MTR: variants seen among roughly 807,000 people sequenced by gnomAD.
The protein encoded by MTR is 5-methyltetrahydrofolate-homocysteine methyltransferase, also known as methionine synthase.
MTR carries 84 observed loss-of-function variants against 154.8 expected under a neutral mutation model. The observed-to-expected ratio is 0.54, with a 90% confidence interval of 0.45 to 0.65. MTR has a LOEUF of 0.65. Among genes scored for constraint, MTR ranks in the 30% least tolerant of loss-of-function variants. The probability of loss-of-function intolerance (pLI) is 0.00; values close to 1 mark genes in which losing one functional copy is unlikely to be tolerated. For missense variants in MTR, 1,275 were observed against 1,570.2 expected (o/e 0.81, Z 3.18); for synonymous variants, 554 against 553.9 (o/e 1.00, Z 0.00).
intron 7 of MTR, 98 bp downstream of exon 7, chr1:236,815,761 A>G: frequency 1.7e-6 from 2 of 1,199,848 alleles, no homozygotes; most frequent in Non-Finnish European, 2.4e-6. Context: ...TATTAATGGT[A>G]TCTTTAGAAC....
intron 1 of MTR, among the ~76,000 whole-genome samples, chr1:236,796,851 G>A (rs1017965076): frequency 2.0e-5 from 3 of 151,622 alleles, no homozygotes; most frequent in African/African-American, 7.3e-5. Context: ...AATGATCATA[G>A]GGAGATCATA....
intron 12 of MTR, among the ~76,000 whole-genome samples, chr1:236,831,359 C>T (rs1572228782): frequency 6.6e-6 from 1 of 152,178 alleles, no homozygotes; most frequent in African/African-American, 2.4e-5. Context: ...GATAAGGAAA[C>T]AGGCACCAGA....
In MTR at chr1:236,873,755, C is replaced by T. The variant is rs753351956; in HGVS notation, c.2406-18C>T. ...TGGGCTTTCATTAATTTTCTCATGT[C>T]TCATTTCTGTGCCTCAGAGTTATTG... On this transcript the variant is annotated intron_variant, in intron 22 of 32. Coordinates refer to ENST00000366577, the MANE Select transcript of MTR (RefSeq NM_000254.3). 2 of 1,609,844 alleles carry T rather than the reference C, an allele frequency of 1.2e-6. No individual in the cohort carries two copies. Among genetic ancestry groups the T allele is most frequent in the East Asian group, 4.5e-5 (2 of 44,862 alleles).
In MTR at chr1:236,806,172, T is replaced by C. The variant is rs756873897; in HGVS notation, c.278T>C (p.Ile93Thr). 12 of 1,614,042 alleles carry C rather than the reference T, an allele frequency of 7.4e-6. No homozygotes were observed. The change falls in exon 3 of 33, where the codon ATT (isoleucine) becomes ACT (threonine). Residue 93 changes from isoleucine to threonine, a missense_variant. By Grantham distance (89) the Ile-to-Thr change is moderately conservative. Coordinates refer to ENST00000366577, the MANE Select transcript of MTR (RefSeq NM_000254.3). ...TACTTGCTGGCTGGGGCAGATATCA[T>C]TGAAACAAATACTTTTAGCAGCACT... Reference protein sequence around the residue: ...KEYLLAGADIIETNTFSSTSI... With the variant: ...KEYLLAGADITETNTFSSTSI...
At chr1:236,815,703 A>G (rs1320829178) in intron 7 of MTR, 40 bp downstream of exon 7, 23 of 1,583,294 alleles carry the variant, frequency 1.5e-5, no homozygotes, top group Non-Finnish European at 2.0e-5. Flanking sequence ...TCTTTTATTA[A>G]TAATTGTCCT....
Position 236,826,910 on chromosome 1 carries a change from A to G in MTR, c.995+14A>G, listed in dbSNP as rs920683227. On this transcript the variant is annotated intron_variant, in intron 11 of 32. Transcript: ENST00000366577. The stretch of plus-strand genomic sequence containing the variant: ...AGATCATATCAGGTAATAATCACCT[A>G]TAGACAATATATCTAAAACCAAGTG... 1.9e-6 allele frequency: 3 copies of G among 1,605,364 alleles called. No individual in the cohort carries two copies. Among genetic ancestry groups the G allele is most frequent in the Non-Finnish European group, 2.6e-6 (3 of 1,172,026 alleles).
intron 15 of MTR, among the ~76,000 whole-genome samples, chr1:236,849,291 G>C (rs1210656680): frequency 6.6e-6 from 1 of 152,182 alleles, no homozygotes; most frequent in Admixed American, 6.5e-5. Flanking sequence ...AGCAAGACTG[G>C]CATTCTATCT....
At chr1:236,862,490 A>T (rs1664600453) in intron 21 of MTR, 147 bp downstream of exon 21, 3 of 688,368 alleles carry the variant, frequency 4.4e-6, no homozygotes, top group African/African-American at 1.8e-5. Flanking sequence ...CCCTTTTTTA[A>T]CCGAGTATCA....
At chr1:236,841,902 T>A (rs1186193938) in intron 15 of MTR, among the ~76,000 whole-genome samples, 3 of 151,590 alleles carry the variant, frequency 2.0e-5, no homozygotes, top group Non-Finnish European at 4.4e-5. Flanking sequence ...TCTTTTTTTT[T>A]TTTTTTTTGA....
At position 236,838,616 on chromosome 1, in the gene MTR, G is replaced by A. The variant is rs1295788715; in HGVS notation, c.1515+17G>A. 1 of 1,613,680 alleles carries A rather than the reference G, an allele frequency of 6.2e-7. No individual in the cohort carries two copies. Among genetic ancestry groups the A allele is most frequent in the East Asian group, 2.2e-5 (1 of 44,872 alleles). On this transcript the variant is annotated intron_variant, in intron 15 of 32. Coordinates refer to ENST00000366577, the MANE Select transcript of MTR (RefSeq NM_000254.3). Reference sequence around the variant, plus strand: ...GAAGGACAGGTGAGTGGTTTCTTTTGGCCTAATCCATTGTGTTTCCCAGGT... The same window carrying A: ...GAAGGACAGGTGAGTGGTTTCTTTTAGCCTAATCCATTGTGTTTCCCAGGT...
At chr1:236,818,315 A>T (rs1334440906) in intron 8 of MTR, among the ~76,000 whole-genome samples, 1 of 148,166 alleles carries the variant, frequency 6.7e-6, no homozygotes, top group Non-Finnish European at 1.5e-5. Flanking sequence ...AATAATAATG[A>T]TATAGTCTTT....
intron 7 of MTR, 29 bp downstream of exon 7, chr1:236,815,692 T>G (rs1171724838): frequency 6.3e-7 from 1 of 1,599,960 alleles, no homozygotes; most frequent in Non-Finnish European, 8.6e-7. Flanking sequence ...GCACAATACA[T>G]TCTTTTATTA....
At chr1:236,822,312 G>GT (rs199660325) in intron 8 of MTR, among the ~76,000 whole-genome samples, 5,479 of 124,796 alleles carry the variant, frequency 0.044, 249 homozygotes, top group South Asian at 0.095. Flanking sequence ...GGTTTTTTTT[G>GT]TTTTTTTTTT....
Position 236,829,326 on chromosome 1 carries a change from T to A in MTR, c.1075+58T>A, listed in dbSNP as rs1208815518. Reference sequence around the variant, plus strand: ...AGAAACCATTTGTGGAGTGTGAGTATTCTAAGTGGTAGTGATGTTTGTGCT... The same window carrying A: ...AGAAACCATTTGTGGAGTGTGAGTAATCTAAGTGGTAGTGATGTTTGTGCT... On this transcript the variant is annotated intron_variant, in intron 12 of 32. Coordinates refer to ENST00000366577, the MANE Select transcript of MTR (RefSeq NM_000254.3). 2.2e-5 allele frequency: 30 copies of A among 1,380,746 alleles called. No individual in the cohort carries two copies. In the East Asian group the frequency reaches 6.9e-4, roughly 32 times the overall value. The allele number at this position is 1,380,746 out of a possible 1,614,324, so 85.5% of individuals were successfully genotyped here.
intron 4 of MTR, among the ~76,000 whole-genome samples, chr1:236,810,037 G>A (rs566691429): frequency 6.6e-5 from 10 of 152,308 alleles, no homozygotes; most frequent in African/African-American, 1.9e-4. Flanking sequence ...CAGAACTTAC[G>A]TTAAGTTCAA....
chr1:236,853,407 A>G (rs115783804), intron 18 of MTR, among the ~76,000 whole-genome samples: 1,938 of 152,350 alleles, frequency 0.013, 48 homozygotes, highest in African/African-American at 0.043. Context: ...AAAGGAAGAA[A>G]ATAAAAATCA....
At chr1:236,828,066 C>T (rs547666118) in intron 11 of MTR, among the ~76,000 whole-genome samples, 15 of 152,234 alleles carry the variant, frequency 9.9e-5, no homozygotes, top group Admixed American at 2.6e-4. Context: ...CAAGCTCCAC[C>T]TCCCAGGTTC....
At chr1:236,875,839 AG>A in intron 24 of MTR, among the ~76,000 whole-genome samples, 1 of 83,418 alleles carries the variant, frequency 1.2e-5, no homozygotes, top group South Asian at 3.9e-4. Context: ...TTATATATAG[AG>A]AGAAAGAGAT....
chr1:236,871,025 G>A (rs2103353759), intron 22 of MTR, among the ~76,000 whole-genome samples: 1 of 152,212 alleles, frequency 6.6e-6, no homozygotes, highest in East Asian at 1.9e-4. Context: ...CCCCGGACTT[G>A]TTTCAGTCCC....
Sources: allele counts gnomAD v4.1 joint callset (sites outside exome capture counted in the v4.1 genomes callset), GRCh38; gene constraint gnomAD v4.1.1; transcripts MANE v1.5; gene names NCBI Gene and HGNC (gene_info 2026-07-23, HGNC 2026-07-21).